Variants in CACNA2D3 observed in about 807,000 individuals in gnomAD.
The protein encoded by CACNA2D3 is voltage-dependent calcium channel subunit alpha-2/delta-3.
CACNA2D3 carries 60 observed loss-of-function variants against 160.6 expected under a neutral mutation model. The ratio of observed to expected loss-of-function variants is 0.37; its 90% CI spans 0.30 to 0.46. CACNA2D3 has a LOEUF of 0.46. Ranked by LOEUF, CACNA2D3 falls within the 20% of genes least tolerant of loss-of-function variation. CACNA2D3 has a pLI of 1.00. For missense variants in CACNA2D3, 1,205 were observed against 1,365.0 expected (o/e 0.88, Z 1.85); for synonymous variants, 558 against 492.9 (o/e 1.13, Z -1.75).
At chr3:55,043,364 A>AC (rs1010685889) in intron 35 of CACNA2D3, among the ~76,000 whole-genome samples, 1 of 143,832 alleles carries the variant, frequency 7.0e-6, no homozygotes, top group Admixed American at 7.1e-5. Flanking sequence ...TTTTAAGGGT[A>AC]CCATAGTGGC....
At chr3:55,025,555 A>G (rs1451474921) in intron 35 of CACNA2D3, among the ~76,000 whole-genome samples, 2 of 148,616 alleles carry the variant, frequency 1.3e-5, no homozygotes, top group Non-Finnish European at 3.0e-5. Flanking sequence ...AATTGCTTGA[A>G]CCCAGGAGGC....
chr3:54,855,017 T>C (rs4955898), intron 17 of CACNA2D3, among the ~76,000 whole-genome samples: 67,803 of 152,036 alleles, frequency 0.45, 16,274 homozygotes, highest in East Asian at 0.77. Flanking sequence ...TGTTCTTTAA[T>C]CCTGAAGCTG....
chr3:54,216,041 G>A (rs1382941429), intron 2 of CACNA2D3, among the ~76,000 whole-genome samples: 1 of 152,060 alleles, frequency 6.6e-6, no homozygotes, highest in Non-Finnish European at 1.5e-5. Flanking sequence ...CGAATTAGGT[G>A]GTCTTCACTG....
chr3:54,791,123 G>A (rs564831975), intron 13 of CACNA2D3, among the ~76,000 whole-genome samples: 33 of 151,956 alleles, frequency 2.2e-4, no homozygotes, highest in Non-Finnish European at 4.4e-4. Context: ...TGCTCACTCA[G>A]CAGAATGCCT....
chr3:54,717,288 T>A (rs1701067907), intron 11 of CACNA2D3, among the ~76,000 whole-genome samples: 1 of 152,234 alleles, frequency 6.6e-6, no homozygotes. Flanking sequence ...CTGTGAAAAT[T>A]CTTCCACATC....
At chr3:54,482,025 G>T (rs1240721654) in intron 4 of CACNA2D3, among the ~76,000 whole-genome samples, 1 of 152,120 alleles carries the variant, frequency 6.6e-6, no homozygotes, top group Non-Finnish European at 1.5e-5. Flanking sequence ...GGTAACACTT[G>T]GAAGAAATAT....
chr3:55,013,074 C>G (rs1184554869), intron 34 of CACNA2D3, among the ~76,000 whole-genome samples: 1 of 152,218 alleles, frequency 6.6e-6, no homozygotes, highest in African/African-American at 2.4e-5. Flanking sequence ...TGTGAGACCT[C>G]CTTTCCACAG....
chr3:55,073,928 A>G (rs1704881225), intron 37 of CACNA2D3, 69 bp downstream of exon 37: 3 of 1,323,540 alleles, frequency 2.3e-6, no homozygotes, highest in African/African-American at 1.4e-5. Flanking sequence ...CACTGGTCAA[A>G]GAACTACAGC....
intron 4 of CACNA2D3, among the ~76,000 whole-genome samples, chr3:54,464,778 G>C (rs926612229): frequency 6.6e-6 from 1 of 152,188 alleles, no homozygotes; most frequent in African/African-American, 2.4e-5. Flanking sequence ...TGCGCTGCAC[G>C]CACTGTCCTG....
intron 16 of CACNA2D3, among the ~76,000 whole-genome samples, chr3:54,841,518 C>T (rs1315607938): frequency 6.6e-6 from 1 of 152,216 alleles, no homozygotes; most frequent in Admixed American, 6.5e-5. Flanking sequence ...CAGGGACAGC[C>T]ATGGCCAAAT....
chr3:54,713,814 A>G (rs559492177), intron 11 of CACNA2D3, among the ~76,000 whole-genome samples: 4 of 152,244 alleles, frequency 2.6e-5, no homozygotes, highest in Non-Finnish European at 5.9e-5. Context: ...TTAGAGTATT[A>G]TGTTCAAAAT....
intron 34 of CACNA2D3, among the ~76,000 whole-genome samples, chr3:55,011,919 G>C (rs1348044986): frequency 5.1e-5 from 5 of 98,006 alleles, no homozygotes; most frequent in African/African-American, 1.4e-4. Flanking sequence ...ACTAATAGGA[G>C]TGAAAAAAAA....
At chr3:54,301,100 C>A (rs7645884) in intron 2 of CACNA2D3, among the ~76,000 whole-genome samples, 36,221 of 150,884 alleles carry the variant, frequency 0.24, 4,514 homozygotes, top group South Asian at 0.34. Context: ...ATCAAAAGAA[C>A]AAATAAATTA....
At chr3:54,494,559 C>G (rs1331586250) in intron 4 of CACNA2D3, among the ~76,000 whole-genome samples, 8 of 152,124 alleles carry the variant, frequency 5.3e-5, no homozygotes, top group African/African-American at 1.9e-4. Flanking sequence ...ATTTTAACTT[C>G]CAGTTCTATG....
At chr3:54,348,869 A>C (rs541793646) in intron 3 of CACNA2D3, among the ~76,000 whole-genome samples, 1 of 152,288 alleles carries the variant, frequency 6.6e-6, no homozygotes, top group East Asian at 1.9e-4. Context: ...CTTGGATCAC[A>C]GGTATGCACC....
rs558939046 is a variant in CACNA2D3 at position 54,136,819 on chromosome 3, C to T, written c.204+13225C>T. On this transcript the variant is annotated intron_variant, in intron 2 of 37. Coordinates refer to ENST00000474759, the MANE Select transcript of CACNA2D3 (RefSeq NM_018398.3). ...AGGAGCCTACTCCAAGAGACCCTGG[C>T]CCAGTAAGCTTGGCCCCGAGCCCCA... is the stretch of plus-strand genomic sequence containing the variant. 4.6e-5 allele frequency among the ~76,000 whole-genome samples: 7 copies of T among 152,368 alleles called. No homozygotes were observed. In the East Asian group the frequency reaches 1.2e-3, roughly 25 times the overall value.
chr3:54,785,579 TC>T (rs1162453041), intron 13 of CACNA2D3, among the ~76,000 whole-genome samples: 1 of 152,238 alleles, frequency 6.6e-6, no homozygotes, highest in Non-Finnish European at 1.5e-5. Flanking sequence ...CTTCTCTTTG[TC>T]TACCTAAATG....
chr3:54,143,136 G>A, intron 2 of CACNA2D3, among the ~76,000 whole-genome samples: 1 of 152,218 alleles, frequency 6.6e-6, no homozygotes, highest in Non-Finnish European at 1.5e-5. Context: ...CAACTGCTTG[G>A]TTCTGGCCAA....
chr3:54,222,967 A>G lies in CACNA2D3; in HGVS notation c.205-97475A>G, dbSNP rs189205571. On this transcript the variant is annotated intron_variant, in intron 2 of 37. Coordinates refer to ENST00000474759, the MANE Select transcript of CACNA2D3 (RefSeq NM_018398.3). ...CATATTATTGTTTTTCATTTGTCCC[A>G]TATGTTCTGTGTTACTTTTTCCTCT... Among the ~76,000 whole-genome samples, 420 of 152,258 alleles carry G rather than the reference A, an allele frequency of 2.8e-3. 2 individuals carry two copies. The highest frequency in any genetic ancestry group is 3.3e-3 in the Non-Finnish European group (223 of 68,014).
Sources: allele counts gnomAD v4.1 joint callset (sites outside exome capture counted in the v4.1 genomes callset), GRCh38; gene constraint gnomAD v4.1.1; transcripts MANE v1.5; gene names NCBI Gene and HGNC (gene_info 2026-07-23, HGNC 2026-07-21).